The following MAGI3 variants were observed in gnomAD, a reference collection of about 807,000 sequenced individuals.
MAGI3 encodes membrane associated guanylate kinase, WW and PDZ domain containing 3.
Under a neutral mutation model 121.8 loss-of-function variants are expected in MAGI3, and 43 were observed. That is an observed-to-expected ratio of 0.35 (90% CI 0.28 to 0.46). The LOEUF (loss-of-function observed/expected upper bound fraction) is 0.46, where lower values mean the gene tolerates loss of function less well. Among genes scored for constraint, MAGI3 ranks in the 20% least tolerant of loss-of-function variants. The probability of loss-of-function intolerance (pLI) is 1.00; values close to 1 mark genes in which losing one functional copy is unlikely to be tolerated. For synonymous variants in MAGI3, 553 were observed against 639.3 expected, an observed-to-expected ratio of 0.86 and a Z score of 2.04; for missense variants, 1,547 against 1,797.3, an observed-to-expected ratio of 0.86 and a Z score of 2.52.
rs1653507604 is a variant in MAGI3, at chr1:113,435,237, C to T, written c.316+43888C>T. ...AAATACATAGTGGACACTTAATAAG[C>T]GTTCGTTTGTAGTAATAGCCTCTTT... On this transcript the variant is annotated intron_variant, in intron 1 of 20. Coordinates refer to ENST00000307546, the MANE Select transcript of MAGI3 (RefSeq NM_001142782.2). 5.9e-5 allele frequency among the ~76,000 whole-genome samples: 9 copies of T among 152,072 alleles called. No homozygotes were observed. In the South Asian group the frequency reaches 1.0e-3, roughly 17 times the overall value.
chr1:113,550,575 G>T (rs1053841266), intron 2 of MAGI3, among the ~76,000 whole-genome samples: 1 of 151,240 alleles, frequency 6.6e-6, no homozygotes, highest in Admixed American at 6.6e-5. Context: ...GGCCAACATG[G>T]TGAAACCCCA....
intron 1 of MAGI3, among the ~76,000 whole-genome samples, chr1:113,478,064 G>T (rs1240464127): frequency 6.6e-6 from 1 of 152,074 alleles, no homozygotes; most frequent in Non-Finnish European, 1.5e-5. Context: ...TCGTGCCATG[G>T]TTTTCAGCTC....
chr1:113,597,110 T>A (rs141403592), intron 6 of MAGI3, among the ~76,000 whole-genome samples: 1 of 152,322 alleles, frequency 6.6e-6, no homozygotes, highest in Non-Finnish European at 1.5e-5. Context: ...TCAAATGTGC[T>A]ATAACCTACA....
chr1:113,554,531 G>A (rs1056170862), intron 2 of MAGI3, among the ~76,000 whole-genome samples: 2 of 151,592 alleles, frequency 1.3e-5, no homozygotes, highest in East Asian at 3.9e-4. Flanking sequence ...ACCATAACTA[G>A]TACTAGATTT....
Position 113,479,428 on chromosome 1 carries a change from A to G in MAGI3, c.317-70087A>G, listed in dbSNP as rs370318519. Among the ~76,000 whole-genome samples the G allele has an allele frequency of 6.6e-5, 10 of 151,998 alleles. No individual in the cohort carries two copies. The East Asian group carries it at 1.2e-3, about 18-fold the overall frequency. ...TCCTGTACTTTAAATATGTCATCTC[A>G]TTCTCTCCTGGCATGCAAAGTTTCT... On this transcript the variant is annotated intron_variant, in intron 1 of 20. Coordinates refer to ENST00000307546, the MANE Select transcript of MAGI3 (RefSeq NM_001142782.2).
intron 4 of MAGI3, among the ~76,000 whole-genome samples, chr1:113,585,976 A>T (rs530249005): frequency 1.3e-5 from 2 of 152,222 alleles, no homozygotes; most frequent in African/African-American, 4.8e-5. Flanking sequence ...AACAAAGTAA[A>T]TAGGGCTTGA....
intron 6 of MAGI3, among the ~76,000 whole-genome samples, chr1:113,599,064 A>G (rs543786936): frequency 4.6e-5 from 7 of 152,336 alleles, no homozygotes; most frequent in South Asian, 4.1e-4. Context: ...TTCAAAGAAC[A>G]TCTTTATTTC....
At chr1:113,515,967 T>C (rs1657878656) in intron 1 of MAGI3, among the ~76,000 whole-genome samples, 1 of 152,002 alleles carries the variant, frequency 6.6e-6, no homozygotes, top group Admixed American at 6.6e-5. Flanking sequence ...TGGAGGACTG[T>C]CCTGTGTACC....
At chr1:113,416,182 ATATTAAT>A (rs1279856935) in intron 1 of MAGI3, among the ~76,000 whole-genome samples, 1 of 102,984 alleles carries the variant, frequency 9.7e-6, no homozygotes, top group Admixed American at 1.2e-4. Context: ...TTAATGACAC[ATATTAAT>A]TATGTAATTA....
chr1:113,631,119 T>C (rs1651603715), intron 9 of MAGI3, among the ~76,000 whole-genome samples: 1 of 152,158 alleles, frequency 6.6e-6, no homozygotes, highest in South Asian at 2.1e-4. Flanking sequence ...CTGAGTTCAA[T>C]GCAAATCCTG....
At chr1:113,681,900 G>T (rs964797683) in intron 20 of MAGI3, among the ~76,000 whole-genome samples, 4 of 152,098 alleles carry the variant, frequency 2.6e-5, no homozygotes, top group African/African-American at 7.2e-5. Flanking sequence ...GGCATGTTTT[G>T]AAATATCATG....
At chr1:113,675,783 C>T (rs1048376703) in intron 19 of MAGI3, among the ~76,000 whole-genome samples, 1 of 152,154 alleles carries the variant, frequency 6.6e-6, no homozygotes, top group African/African-American at 2.4e-5. Context: ...TAATACAGCT[C>T]GTCAAGAACT....
At chr1:113,657,407 C>A (rs910371691) in intron 15 of MAGI3, among the ~76,000 whole-genome samples, 1 of 152,204 alleles carries the variant, frequency 6.6e-6, no homozygotes, top group Non-Finnish European at 1.5e-5. Context: ...ACCCAGACAA[C>A]CAGCCCTTTA....
intron 4 of MAGI3, among the ~76,000 whole-genome samples, chr1:113,586,516 A>G (rs544454805): frequency 1.3e-5 from 2 of 152,304 alleles, no homozygotes; most frequent in Admixed American, 6.5e-5. Context: ...TTATAGTCCT[A>G]TCTTTCACAT....
At chr1:113,584,762 C>A (rs959186604) in intron 3 of MAGI3, among the ~76,000 whole-genome samples, 1 of 152,090 alleles carries the variant, frequency 6.6e-6, no homozygotes, top group Non-Finnish European at 1.5e-5. Context: ...TAATTCAGAA[C>A]CCATGTAAGG....
intron 2 of MAGI3, among the ~76,000 whole-genome samples, chr1:113,571,084 G>A (rs138408200): frequency 0.016 from 2,431 of 152,286 alleles, 29 homozygotes; most frequent in Non-Finnish European, 0.022. Flanking sequence ...GTGTAAGGAA[G>A]GAGTCCAGTT....
rs751516440 is a variant in MAGI3 at position 113,590,546 on chromosome 1, A to G, written c.826A>G (p.Thr276Ala). 33 of 1,613,720 alleles carry G rather than the reference A, an allele frequency of 2.0e-5. 1 individual carries two copies. Among genetic ancestry groups the G allele is most frequent in the Admixed American group, 1.5e-4 (9 of 59,990 alleles). The change falls in exon 5 of 21, where the codon ACA (threonine) becomes GCA (alanine). Residue 276 changes from threonine (T) to alanine (A), a missense_variant. Transcript: ENST00000307546. ...GAAGACTGTTCCAAGTTACAACCAA[A>G]CAAATAGCTCCATGGACTTTAGAAA... is the stretch of plus-strand genomic sequence containing the variant. Reference protein sequence around the residue: ...WMKTVPSYNQTNSSMDFRNYM... With the variant: ...WMKTVPSYNQANSSMDFRNYM...
Position 113,580,681 on chromosome 1 carries a change from C to G in MAGI3, c.553+20C>G. The stretch of plus-strand genomic sequence containing the variant: ...ATGATGGTATGTCCCCAAATAACAT[C>G]ACTACCACCCAAAAAACTATCTGAA... On this transcript the variant is annotated intron_variant, in intron 3 of 20. Coordinates refer to ENST00000307546, the MANE Select transcript of MAGI3 (RefSeq NM_001142782.2). 6.4e-7 allele frequency: 1 copy of G among 1,574,608 alleles called. No individual in the cohort carries two copies. Among genetic ancestry groups the G allele is most frequent in the African/African-American group, 1.4e-5 (1 of 73,090 alleles).
intron 1 of MAGI3, among the ~76,000 whole-genome samples, chr1:113,431,935 A>G (rs1164714100): frequency 1.3e-5 from 2 of 152,180 alleles, no homozygotes; most frequent in Admixed American, 6.5e-5. Context: ...GATCTACACT[A>G]TGTAGTATTA....
Sources: gnomAD v4.1 joint callset for allele counts (sites outside exome capture counted in the v4.1 genomes callset) on GRCh38, gnomAD v4.1.1 for gene constraint, MANE v1.5 for transcripts, NCBI Gene and HGNC (gene_info 2026-07-23, HGNC 2026-07-21) for gene names.